Variants in PTPN1 observed in about 807,000 individuals in gnomAD.
The protein encoded by PTPN1 is tyrosine-protein phosphatase non-receptor type 1.
PTPN1 carries 12 observed loss-of-function variants against 59.9 expected under a neutral mutation model. That is an observed-to-expected ratio of 0.20 (90% CI 0.13 to 0.32). The LOEUF is 0.32. Among genes scored for constraint, PTPN1 ranks in the 10% least tolerant of loss-of-function variants. PTPN1 has a pLI of 1.00. For synonymous variants in PTPN1, 178 were observed against 203.6 expected (o/e 0.87, Z 1.07); for missense variants, 356 against 549.2 (o/e 0.65, Z 3.52).
intron 1 of PTPN1, among the ~76,000 whole-genome samples, chr20:50,550,188 T>G (rs1328491667): frequency 6.6e-6 from 1 of 152,218 alleles, no homozygotes; most frequent in East Asian, 1.9e-4. Flanking sequence ...TGCATTTCCC[T>G]TCAATCTAGC....
chr20:50,529,039 G>A (rs182970021), intron 1 of PTPN1, among the ~76,000 whole-genome samples: 1 of 152,320 alleles, frequency 6.6e-6, no homozygotes, highest in East Asian at 1.9e-4. Context: ...GCCTTGCATG[G>A]AATTGGACTT....
intron 1 of PTPN1, among the ~76,000 whole-genome samples, chr20:50,513,650 T>C (rs986586584): frequency 2.0e-5 from 3 of 152,194 alleles, no homozygotes; most frequent in South Asian, 2.1e-4. Flanking sequence ...ACTCTTCCAA[T>C]TGACATTTGT....
chr20:50,582,763 C>T lies in PTPN1; in HGVS notation c.*48C>T. On this transcript the variant is annotated 3_prime_UTR_variant, in exon 10 of 10. Coordinates refer to ENST00000371621, the MANE Select transcript of PTPN1 (RefSeq NM_002827.4). The surrounding 1 kb of genome is among the most constrained non-coding windows in gnomAD (Gnocchi z 4.2). ...TCCACCCACTGTCCGCCTCTGCCCG[C>T]AGAGCCCACGCCCGACTAGCAGGCA... The T allele has an allele frequency of 1.2e-6, 2 of 1,609,966 alleles. No individual in the cohort carries two copies. The highest frequency in any genetic ancestry group is 2.2e-5 in the South Asian group (2 of 90,278).
chr20:50,581,347 G>A lies in PTPN1; in HGVS notation c.1171G>A (p.Glu391Lys). The A allele has an allele frequency of 6.2e-7, 1 of 1,614,116 alleles. No homozygotes were observed. Among genetic ancestry groups the A allele is most frequent in the Non-Finnish European group, 8.5e-7 (1 of 1,179,956 alleles). Residue 391 changes from glutamate (E) to lysine (K), a missense_variant, in exon 9 of 10, where the codon GAG becomes AAG. Glu to Lys is a moderately conservative substitution (Grantham distance 56, BLOSUM62 1). Coordinates refer to ENST00000371621, the MANE Select transcript of PTPN1 (RefSeq NM_002827.4). ...GAQAASPAKG[E>K]PSLPEKDEDH... ...CCAGGCTGCCTCCCCAGCCAAAGGG[G>A]AGCCGTCACTGCCCGAGAAGGACGA...
chr20:50,525,859 G>GT (rs1389888843), intron 1 of PTPN1, among the ~76,000 whole-genome samples: 3 of 152,034 alleles, frequency 2.0e-5, no homozygotes, highest in Non-Finnish European at 4.4e-5. Context: ...AAGAACCATA[G>GT]TTCATAAGCT....
intron 3 of PTPN1, 128 bp downstream of exon 3, chr20:50,565,197 A>T: frequency 1.1e-6 from 1 of 922,320 alleles, no homozygotes; most frequent in Non-Finnish European, 1.6e-6. Context: ...AAAAAGCAGC[A>T]AGGAAGGGGG....
intron 1 of PTPN1, among the ~76,000 whole-genome samples, chr20:50,523,300 A>C (rs1568774593): frequency 6.6e-6 from 1 of 152,208 alleles, no homozygotes. Context: ...CCAGGGAAGC[A>C]TCTGGTAGGT....
intron 1 of PTPN1, among the ~76,000 whole-genome samples, chr20:50,511,631 G>A (rs533647979): frequency 6.6e-6 from 1 of 152,116 alleles, no homozygotes; most frequent in African/African-American, 2.4e-5. Flanking sequence ...AGGAAAGGAG[G>A]GTTTCTCATA....
At chr20:50,551,636 G>T (rs1012263517) in intron 1 of PTPN1, among the ~76,000 whole-genome samples, 2 of 152,200 alleles carry the variant, frequency 1.3e-5, no homozygotes, top group African/African-American at 4.8e-5. Context: ...TAAGAGAAAG[G>T]AGGCTCTTAA....
At chr20:50,571,643 A>G (rs1384980787) in intron 4 of PTPN1, 3 of 152,192 alleles carry the variant, frequency 2.0e-5, no homozygotes, top group Non-Finnish European at 4.4e-5. Flanking sequence ...CATGCCTGTT[A>G]TCTTTTGGGA....
chr20:50,527,173 C>T (rs943212974), intron 1 of PTPN1, among the ~76,000 whole-genome samples: 2 of 152,120 alleles, frequency 1.3e-5, no homozygotes, highest in African/African-American at 2.4e-5. Context: ...GCCAGTTCAA[C>T]GTTCTCAGCT....
chr20:50,574,130 C>T lies in PTPN1; in HGVS notation c.355-387C>T, dbSNP rs553150848. On this transcript the variant is annotated intron_variant, in intron 4 of 9. Coordinates refer to ENST00000371621, the MANE Select transcript of PTPN1 (RefSeq NM_002827.4). Reference sequence around the variant, plus strand: ...TTTTCTGTGCAGGGTAAGGCACCTACATTCTATGCCAGCAGCCTGATCAGG... The same window carrying T: ...TTTTCTGTGCAGGGTAAGGCACCTATATTCTATGCCAGCAGCCTGATCAGG... 6 of 165,770 alleles carry T rather than the reference C, an allele frequency of 3.6e-5. No individual in the cohort carries two copies. In the South Asian group the frequency reaches 1.1e-3, roughly 30 times the overall value. 10.3% of individuals were successfully genotyped at this position (165,770 alleles called of 1,614,324 possible).
At chr20:50,526,731 C>T (rs750378237) in intron 1 of PTPN1, among the ~76,000 whole-genome samples, 2 of 152,118 alleles carry the variant, frequency 1.3e-5, no homozygotes, top group Non-Finnish European at 2.9e-5. Flanking sequence ...CTCCTCCCCC[C>T]ACCGCAGCCT....
At chr20:50,557,337 C>T (rs2082730401) in intron 1 of PTPN1, among the ~76,000 whole-genome samples, 1 of 152,192 alleles carries the variant, frequency 6.6e-6, no homozygotes, top group African/African-American at 2.4e-5. Context: ...CTCAAGCAGT[C>T]TTCCTGCCTC....
Position 50,579,906 on chromosome 20 carries a change from C to G in PTPN1, c.1068C>G (p.Ala356=), listed in dbSNP as rs754701369. The change falls in exon 8 of 10, where the codon GCC becomes GCG. Residue 356 remains alanine, a synonymous_variant. Transcript: ENST00000371621. ...AAGAAAAAGGAAGCCCCTTAAATGC[C>G]GCACCCTACGGCATCGAAAGGTAAT... ...IKEEKGSPLN[A]APYGIESMSQ... 2 of 1,613,842 alleles carry G rather than the reference C, an allele frequency of 1.2e-6. No individual in the cohort carries two copies. Among genetic ancestry groups the G allele is most frequent in the Non-Finnish European group, 1.7e-6 (2 of 1,179,948 alleles).
At chr20:50,535,331 A>T (rs999784494) in intron 1 of PTPN1, among the ~76,000 whole-genome samples, 63 of 152,054 alleles carry the variant, frequency 4.1e-4, no homozygotes, top group African/African-American at 1.4e-3. Flanking sequence ...CATGCTCCAC[A>T]TTCTGTCTTT....
Position 50,544,573 on chromosome 20 carries a change from A to G in PTPN1, c.64-16790A>G, listed in dbSNP as rs1307174986. 8.5e-5 allele frequency among the ~76,000 whole-genome samples: 13 copies of G among 152,262 alleles called. 1 individual carries two copies. The highest frequency in any genetic ancestry group is 8.5e-4 in the Admixed American group (13 of 15,290). On this transcript the variant is annotated intron_variant, in intron 1 of 9. Transcript: ENST00000371621. ...TGAATGAGAAAAACACTAACATTCC[A>G]AAAGATTAGAAGGCAAAGGACAGAA...
At position 50,583,983 on chromosome 20, in the gene PTPN1, TTA is replaced by T. The variant is rs1015107410; in HGVS notation, c.*1269_*1270del. 6.6e-6 allele frequency: 1 copy of T among 152,616 alleles called. No individual in the cohort carries two copies. Among genetic ancestry groups the T allele is most frequent in the African/African-American group, 2.4e-5 (1 of 41,452 alleles). The allele number at this position is 152,616 out of a possible 1,614,324, so 9.5% of individuals were successfully genotyped here. A position where few individuals can be genotyped will look rare whatever the true frequency, so the allele number is the denominator to read the frequency against. ...TTGAAACAGCCTGGGTGACGGTCCT[TTA>T]GGCAGCCTGCCGCCGTCTCTGTCCC... On this transcript the variant is annotated 3_prime_UTR_variant, in exon 10 of 10. Coordinates refer to ENST00000371621, the MANE Select transcript of PTPN1 (RefSeq NM_002827.4).
At chr20:50,559,045 T>C (rs1327680805) in intron 1 of PTPN1, among the ~76,000 whole-genome samples, 1 of 150,598 alleles carries the variant, frequency 6.6e-6, no homozygotes, top group East Asian at 1.9e-4. Context: ...TTTTTTTTTT[T>C]TTTTTTGAGA....
Sources: gnomAD v4.1 joint callset for allele counts (sites outside exome capture counted in the v4.1 genomes callset) on GRCh38, gnomAD v4.1.1 for gene constraint, Gnocchi (gnomAD v3.1) non-coding constraint, MANE v1.5 for transcripts, NCBI Gene and HGNC (gene_info 2026-07-23, HGNC 2026-07-21) for gene names.